Variants in CHRNA6 observed in about 807,000 individuals in gnomAD.
CHRNA6 encodes cholinergic receptor nicotinic alpha 6 subunit.
CHRNA6 carries 31 observed loss-of-function variants against 40.9 expected under a neutral mutation model. That is an observed-to-expected ratio of 0.76 (90% CI 0.57 to 1.02). The LOEUF is 1.02. Ranked by LOEUF, CHRNA6 falls within the 50% of genes least tolerant of loss-of-function variation. The pLI, the probability that CHRNA6 is intolerant of heterozygous loss-of-function variation, is 0.00. For synonymous variants in CHRNA6, 222 were observed against 221.3 expected (o/e 1.00, Z -0.03); for missense variants, 546 against 596.6 (o/e 0.92, Z 0.88).
chr8:42,768,286 C>G, intron 1 of CHRNA6, 66 bp downstream of exon 1: 4 of 1,310,412 alleles, frequency 3.1e-6, no homozygotes, highest in Non-Finnish European at 4.4e-6. Context: ...TCAAGCACAA[C>G]TAGAAAAGAG....
chr8:42,760,242 C>T (rs1816881395), intron 2 of CHRNA6, among the ~76,000 whole-genome samples: 1 of 151,996 alleles, frequency 6.6e-6, no homozygotes, highest in African/African-American at 2.4e-5. Flanking sequence ...TACACACGCA[C>T]ACTCATGCAC....
chr8:42,759,522 C>G (rs183667648), intron 2 of CHRNA6: 1 of 167,006 alleles, frequency 6.0e-6, no homozygotes, highest in African/African-American at 2.4e-5. Context: ...GTTCCCTAAA[C>G]GCCTCCCATC....
Position 42,756,119 on chromosome 8 carries a change from G to A in CHRNA6, c.1080C>T (p.Asp360=), listed in dbSNP as rs1015162630. The stretch of plus-strand genomic sequence containing the variant: ...CATCAGAGCCTGTGCCCCTTGTCTT[G>A]TCCAGAGGCCACCTCATCAGCAGGA... ...PQVLLMRWPL[D]KTRGTGSDAV... Residue 360 remains aspartate (D), a synonymous_variant, in exon 5 of 6, where the codon GAC becomes GAT. Transcript: ENST00000276410. 6.2e-7 allele frequency: 1 copy of A among 1,614,272 alleles called. No homozygotes were observed. Among genetic ancestry groups the A allele is most frequent in the Non-Finnish European group, 8.5e-7 (1 of 1,180,052 alleles).
intron 5 of CHRNA6, 93 bp from the exon 6 acceptor site, chr8:42,753,403 G>A: frequency 8.1e-7 from 1 of 1,230,674 alleles, no homozygotes; most frequent in Non-Finnish European, 1.2e-6. Context: ...CTTTTTTGAA[G>A]AAGATTTCTC....
At position 42,756,560 on chromosome 8, in the gene CHRNA6, G is replaced by A. The variant is rs368168912; in HGVS notation, c.639C>T (p.Gly213=). ...NSEWEIIDAS[G]YKHDIKYNCC... is the part of the protein sequence containing the mutation. ...AGTTGTATTTGATGTCATGTTTGTA[G>A]CCAGAGGCATCAATGATTTCCCATT... is the stretch of plus-strand genomic sequence containing the variant. Residue 213 remains glycine (G), a synonymous_variant, in exon 5 of 6, where the codon GGC becomes GGT. Transcript: ENST00000276410. The A allele has an allele frequency of 1.9e-6, 3 of 1,614,056 alleles. No homozygotes were observed. Among genetic ancestry groups the A allele is most frequent in the Non-Finnish European group, 2.5e-6 (3 of 1,179,998 alleles).
At position 42,765,259 on chromosome 8, in the gene CHRNA6, A is replaced by C. The variant is rs796662637; in HGVS notation, c.80-55T>G. 112 of 1,592,836 alleles carry C rather than the reference A, an allele frequency of 7.0e-5. No individual in the cohort carries two copies. In the African/African-American group the frequency reaches 1.4e-3, roughly 20 times the overall value. On this transcript the variant is annotated intron_variant, in intron 1 of 5. Coordinates refer to ENST00000276410, the MANE Select transcript of CHRNA6 (RefSeq NM_004198.3). Reference sequence around the variant, plus strand: ...AGCCAGCCCGGCCACTGGCCACTGCAGCGATTCTAGGCAATTCTTCCCGGG... The same window carrying C: ...AGCCAGCCCGGCCACTGGCCACTGCCGCGATTCTAGGCAATTCTTCCCGGG...
At chr8:42,753,405 A>C in intron 5 of CHRNA6, 95 bp from the exon 6 acceptor site, 1 of 1,214,666 alleles carries the variant, frequency 8.2e-7, no homozygotes. Flanking sequence ...TTTTTGAAGA[A>C]GATTTCTCCG....
At chr8:42,759,294 C>T (rs1816859666) in intron 2 of CHRNA6, 181 bp from the exon 3 acceptor site, 1 of 582,274 alleles carries the variant, frequency 1.7e-6, no homozygotes, top group African/African-American at 1.9e-5. Context: ...TCACATCTGG[C>T]TCCAGCCCTG....
Position 42,757,015 on chromosome 8 carries a change from C to G in CHRNA6, c.287G>C (p.Arg96Pro). The change falls in exon 4 of 6, where the codon CGC (arginine) becomes CCC (proline). Residue 96 changes from arginine to proline, a missense_variant. Coordinates refer to ENST00000276410, the MANE Select transcript of CHRNA6 (RefSeq NM_004198.3). ...GCCATCATATTCCATTGGATCCCAG[C>G]GCAATTTATAATCATTCCAGATCTA... The part of the protein sequence containing the change: ...LRHIWNDYKL[R>P]WDPMEYDGIE... 1 of 1,612,026 alleles carries G rather than the reference C, an allele frequency of 6.2e-7. No homozygotes were observed. The highest frequency in any genetic ancestry group is 1.1e-5 in the South Asian group (1 of 91,006).
intron 2 of CHRNA6, among the ~76,000 whole-genome samples, chr8:42,760,132 A>G (rs1033117384): frequency 2.0e-5 from 3 of 152,230 alleles, no homozygotes; most frequent in African/African-American, 7.2e-5. Context: ...CATCTATACT[A>G]TAACATAAGA....
intron 2 of CHRNA6, among the ~76,000 whole-genome samples, chr8:42,761,703 C>T (rs1306425605): frequency 6.6e-6 from 1 of 152,240 alleles, no homozygotes; most frequent in Admixed American, 6.5e-5. Flanking sequence ...CACCAATGGG[C>T]ATGGCACTGC....
intron 2 of CHRNA6, among the ~76,000 whole-genome samples, chr8:42,761,319 C>T (rs1266999224): frequency 6.6e-6 from 1 of 152,224 alleles, no homozygotes; most frequent in African/African-American, 2.4e-5. Flanking sequence ...AGCCTGCGGT[C>T]ATGCCTTCTG....
At chr8:42,760,768 G>A (rs545217349) in intron 2 of CHRNA6, among the ~76,000 whole-genome samples, 83 of 152,370 alleles carry the variant, frequency 5.4e-4, no homozygotes, top group African/African-American at 1.9e-3. Flanking sequence ...ATGACCAGAA[G>A]ACAGTCAGGG....
chr8:42,766,704 C>G (rs1452185924), intron 1 of CHRNA6, among the ~76,000 whole-genome samples: 1 of 152,092 alleles, frequency 6.6e-6, no homozygotes, highest in Non-Finnish European at 1.5e-5. Flanking sequence ...CACATGGACA[C>G]AGGGAGGGGA....
chr8:42,759,603 G>T (rs1020588218), intron 2 of CHRNA6, among the ~76,000 whole-genome samples: 1 of 151,996 alleles, frequency 6.6e-6, no homozygotes, highest in African/African-American at 2.4e-5. Flanking sequence ...ATCTTGAAAT[G>T]CCAGCCTCAG....
chr8:42,764,972 G>T, intron 2 of CHRNA6, 93 bp downstream of exon 2: 1 of 1,396,580 alleles, frequency 7.2e-7, no homozygotes, highest in Non-Finnish European at 9.9e-7. Context: ...ATCTCGTGTA[G>T]ATTTGCATCT....
chr8:42,760,079 A>G (rs905195764), intron 2 of CHRNA6, among the ~76,000 whole-genome samples: 3 of 152,232 alleles, frequency 2.0e-5, no homozygotes, highest in Non-Finnish European at 2.9e-5. Flanking sequence ...TCCTGCCTTC[A>G]TGTGTCTTAG....
At position 42,756,773 on chromosome 8, in the gene CHRNA6, G is replaced by C. The variant is rs1816810115; in HGVS notation, c.426C>G (p.Tyr142Ter). The change falls in exon 5 of 6, where the codon TAC becomes TAG. Residue 142 changes from tyrosine (Y) to a stop codon, truncating the protein, a stop_gained. Transcript: ENST00000276410. LOFTEE classifies it high-confidence loss of function. ...GTGGAGTCCAGGTTATCATGCCATT[G>C]TATTTAAGAAGAGCTTTTGTTTTGC... ...VEGKTKALLK[Y>*]NGMITWTPPA... The C allele has an allele frequency of 1.2e-6, 2 of 1,609,830 alleles. No homozygotes were observed. Among genetic ancestry groups the C allele is most frequent in the African/African-American group, 2.7e-5 (2 of 74,618 alleles).
chr8:42,762,553 G>A (rs1034153222), intron 2 of CHRNA6, among the ~76,000 whole-genome samples: 2 of 152,310 alleles, frequency 1.3e-5, no homozygotes, highest in East Asian at 3.9e-4. Flanking sequence ...GGAGTCTGAG[G>A]GAGTAGAATC....
Sources: allele counts gnomAD v4.1 joint callset (sites outside exome capture counted in the v4.1 genomes callset), GRCh38; gene constraint gnomAD v4.1.1; transcripts MANE v1.5; gene names NCBI Gene and HGNC (gene_info 2026-07-23, HGNC 2026-07-21).